The following RANBP2 variants were observed in gnomAD, a reference collection of about 807,000 sequenced individuals.
RANBP2 encodes the protein RAN binding protein 2, also known as E3 SUMO-protein ligase RanBP2.
In RANBP2, 57 loss-of-function variants were observed where a neutral mutation model predicts 303.6. The observed-to-expected ratio is 0.19, with a 90% CI of 0.15 to 0.23. The LOEUF (loss-of-function observed/expected upper bound fraction) is 0.23, where lower values mean the gene tolerates loss of function less well. Among genes scored for constraint, RANBP2 ranks in the 10% least tolerant of loss-of-function variants. The pLI, the probability that RANBP2 is intolerant of heterozygous loss-of-function variation, is 1.00. For synonymous variants in RANBP2, 1,167 were observed against 1,301.5 expected (o/e 0.90, Z 2.23); for missense variants, 3,138 against 3,780.8 (o/e 0.83, Z 4.46).
At chr2:109,431,885 C>T in the RANBP2 span, among the ~76,000 whole-genome samples, 1 of 151,982 alleles carries the variant, frequency 6.6e-6, no homozygotes, top group Non-Finnish European at 1.5e-5. Context: ...AAAAAAAGGT[C>T]AAGTAATTAA....
chr2:108,925,313 CA>C, the RANBP2 span, among the ~76,000 whole-genome samples: 1 of 152,240 alleles, frequency 6.6e-6, no homozygotes, highest in Non-Finnish European at 1.5e-5. Flanking sequence ...ACAGAGGCCC[CA>C]AAAGGCCTCT....
At chr2:109,217,534 A>G in the RANBP2 span, among the ~76,000 whole-genome samples, 1 of 152,216 alleles carries the variant, frequency 6.6e-6, no homozygotes, top group African/African-American at 2.4e-5. Context: ...GACTTCAAGT[A>G]TCTTTAGAAT....
At chr2:109,151,122 T>C in the RANBP2 span, among the ~76,000 whole-genome samples, 73 of 152,318 alleles carry the variant, frequency 4.8e-4, no homozygotes, top group Non-Finnish European at 7.9e-4. Context: ...TGAGGGGTGG[T>C]GGTCCTTGGG....
the RANBP2 span, among the ~76,000 whole-genome samples, chr2:109,150,774 A>G: frequency 6.6e-6 from 1 of 152,176 alleles, no homozygotes; most frequent in Admixed American, 6.5e-5. Context: ...GATCTCCTCA[A>G]ATCTCACACT....
At chr2:109,228,686 T>C in the RANBP2 span, among the ~76,000 whole-genome samples, 1 of 152,108 alleles carries the variant, frequency 6.6e-6, no homozygotes. Context: ...GAGGGCATGA[T>C]AAAAGATACA....
At chr2:109,718,332 G>A in the RANBP2 span, among the ~76,000 whole-genome samples, 2 of 152,180 alleles carry the variant, frequency 1.3e-5, no homozygotes, top group African/African-American at 2.4e-5. Context: ...ATCAACTGAT[G>A]AATGGATAAA....
intron 15 of RANBP2, 146 bp from the exon 16 acceptor site, chr2:108,754,756 TAAA>T (rs1376298537): frequency 3.2e-6 from 4 of 1,233,618 alleles, no homozygotes; most frequent in East Asian, 2.5e-5. Context: ...AAAAGATAAT[TAAA>T]AAACACTTTC....
the RANBP2 span, among the ~76,000 whole-genome samples, chr2:109,032,597 G>C: frequency 2.7e-5 from 4 of 147,258 alleles, no homozygotes; most frequent in South Asian, 6.2e-4. Flanking sequence ...GGGGTGGGGT[G>C]GGGGAGTCTT....
At chr2:109,277,475 G>T in the RANBP2 span, among the ~76,000 whole-genome samples, 2 of 152,196 alleles carry the variant, frequency 1.3e-5, no homozygotes, top group Non-Finnish European at 2.9e-5. Flanking sequence ...TCCTACTTCT[G>T]CTAGGACATT....
chr2:109,409,550 G>A, the RANBP2 span, among the ~76,000 whole-genome samples: 1 of 152,138 alleles, frequency 6.6e-6, no homozygotes, highest in Admixed American at 6.5e-5. Context: ...GGCAGCAGTG[G>A]AGGGGAGTTT....
chr2:108,787,369 C>A (rs1679038675), downstream of RANBP2, among the ~76,000 whole-genome samples: 1 of 152,328 alleles, frequency 6.6e-6, no homozygotes, highest in East Asian at 1.9e-4. Flanking sequence ...TCTCCCCTTC[C>A]CTCCCTACAA....
chr2:109,614,876 A>G, the RANBP2 span: 2 of 1,425,404 alleles, frequency 1.4e-6, no homozygotes, highest in Non-Finnish European at 1.8e-6. Context: ...CGCTCCCTGG[A>G]CAGGGCCGCG....
the RANBP2 span, among the ~76,000 whole-genome samples, chr2:109,083,274 A>T: frequency 6.6e-6 from 1 of 152,086 alleles, no homozygotes; most frequent in African/African-American, 2.4e-5. Context: ...CCCTGTACCC[A>T]TCAAGCGCTA....
At chr2:109,482,138 TG>T in the RANBP2 span, among the ~76,000 whole-genome samples, 1 of 152,174 alleles carries the variant, frequency 6.6e-6, no homozygotes, top group Non-Finnish European at 1.5e-5. Flanking sequence ...GCTTTTGAGT[TG>T]ATTACCCTGT....
the RANBP2 span, chr2:109,605,622 T>C: frequency 1.3e-5 from 2 of 152,124 alleles, no homozygotes; most frequent in Non-Finnish European, 1.5e-5. Context: ...CTAAATAATA[T>C]CTGTATAATT....
At chr2:108,722,898 G>GA (rs566966680) in intron 1 of RANBP2, among the ~76,000 whole-genome samples, 178 of 150,928 alleles carry the variant, frequency 1.2e-3, no homozygotes, top group African/African-American at 4.2e-3. Flanking sequence ...CTCCAAAAAA[G>GA]AAAAAAAGAA....
chr2:109,016,376 C>G, the RANBP2 span, among the ~76,000 whole-genome samples: 1 of 152,170 alleles, frequency 6.6e-6, no homozygotes, highest in Non-Finnish European at 1.5e-5. Context: ...CGTGAGCCAC[C>G]GCGCCGGGTG....
the RANBP2 span, among the ~76,000 whole-genome samples, chr2:109,215,929 C>T: frequency 1.3e-5 from 2 of 152,194 alleles, no homozygotes; most frequent in Non-Finnish European, 2.9e-5. Context: ...AACTGGGCTT[C>T]TACCGTGCCA....
chr2:109,527,150 C>T, the RANBP2 span, among the ~76,000 whole-genome samples: 1 of 152,206 alleles, frequency 6.6e-6, no homozygotes, highest in African/African-American at 2.4e-5. Context: ...ACATGTGCAA[C>T]ACCTCACACA....
Sources: gnomAD v4.1 joint callset for allele counts (sites outside exome capture counted in the v4.1 genomes callset) on GRCh38, gnomAD v4.1.1 for gene constraint, MANE v1.5 for transcripts, NCBI Gene and HGNC (gene_info 2026-07-23, HGNC 2026-07-21) for gene names.